Variants in RBFOX3 observed in about 807,000 individuals in gnomAD.
RBFOX3 encodes RNA binding fox-1 homolog 3.
RBFOX3 carries 17 observed loss-of-function variants against 48.7 expected under a neutral mutation model. The observed-to-expected ratio is 0.35, with a 90% CI of 0.24 to 0.52. The LOEUF (loss-of-function observed/expected upper bound fraction) is 0.52, where lower values mean the gene tolerates loss of function less well. Among genes scored for constraint, RBFOX3 ranks in the 20% least tolerant of loss-of-function variants. The probability of loss-of-function intolerance (pLI) is 0.94; values close to 1 mark genes in which losing one functional copy is unlikely to be tolerated. For missense variants in RBFOX3, 382 were observed against 497.5 expected (o/e 0.77, Z 2.21); for synonymous variants, 212 against 209.5 (o/e 1.01, Z -0.10).
At chr17:79,530,980 G>A (rs991865334) in intron 1 of RBFOX3, among the ~76,000 whole-genome samples, 7 of 152,366 alleles carry the variant, frequency 4.6e-5, no homozygotes, top group Middle Eastern at 3.4e-3. Flanking sequence ...GTGGATGGAC[G>A]TGGTGGAGTC....
At chr17:79,567,271 G>A (rs1242924942) in intron 1 of RBFOX3, among the ~76,000 whole-genome samples, 1 of 146,324 alleles carries the variant, frequency 6.8e-6, no homozygotes, top group East Asian at 2.0e-4. Flanking sequence ...GCAACCTCCA[G>A]CTCCCAGGTT....
intron 2 of RBFOX3, among the ~76,000 whole-genome samples, chr17:79,457,964 G>C (rs539060374): frequency 6.6e-6 from 1 of 152,238 alleles, no homozygotes; most frequent in Non-Finnish European, 1.5e-5. Flanking sequence ...GCATCCAGCA[G>C]TCAGGCCACA....
chr17:79,152,033 C>G (rs1003840772), intron 4 of RBFOX3, among the ~76,000 whole-genome samples: 4 of 151,840 alleles, frequency 2.6e-5, no homozygotes, highest in Admixed American at 6.6e-5. Context: ...AATGGGGAAG[C>G]AGGAGGGGTG....
intron 4 of RBFOX3, among the ~76,000 whole-genome samples, chr17:79,223,752 T>C (rs922106994): frequency 4.6e-5 from 7 of 152,160 alleles, no homozygotes; most frequent in Non-Finnish European, 8.8e-5. Context: ...CCTGGGCAGC[T>C]GTCCTGGGCC....
chr17:79,547,795 C>G (rs552486231), intron 1 of RBFOX3, among the ~76,000 whole-genome samples: 1 of 152,288 alleles, frequency 6.6e-6, no homozygotes, highest in East Asian at 1.9e-4. Context: ...CAGCCCCTCT[C>G]CCTGGACAAG....
In RBFOX3 at chr17:79,568,394, G is replaced by A. The variant is rs957316043; in HGVS notation, c.-320+42432C>T. On this transcript the variant is annotated intron_variant, in intron 1 of 14. Transcript: ENST00000693108. ...ATGATGCTCAAAGCAAATGCTCACTGGAGCATTTTGGTTCTTGGATTTTTA... is the reference window on the plus strand; with the variant it reads ...ATGATGCTCAAAGCAAATGCTCACTAGAGCATTTTGGTTCTTGGATTTTTA... Among the ~76,000 whole-genome samples, 3 of 152,208 alleles carry A rather than the reference G, an allele frequency of 2.0e-5. No individual in the cohort carries two copies. The East Asian group carries it at 5.8e-4, about 29-fold the overall frequency.
intron 4 of RBFOX3, among the ~76,000 whole-genome samples, chr17:79,133,138 C>T (rs1000263878): frequency 3.3e-5 from 5 of 152,144 alleles, no homozygotes; most frequent in Non-Finnish European, 5.9e-5. Context: ...TCATGGTGGC[C>T]TCCTGCCCCT....
intron 2 of RBFOX3, among the ~76,000 whole-genome samples, chr17:79,465,939 C>CCT (rs567898207): frequency 1.5e-3 from 231 of 152,348 alleles, no homozygotes; most frequent in Admixed American, 4.2e-3. Context: ...CACCCATTCC[C>CCT]CTCTCCCTGA....
Position 79,479,601 on chromosome 17 carries a change from C to T in RBFOX3, c.-175+2853G>A, listed in dbSNP as rs2078482669. Among the ~76,000 whole-genome samples, 1 of 152,246 alleles carries T rather than the reference C, an allele frequency of 6.6e-6. No individual in the cohort carries two copies. The highest frequency in any genetic ancestry group is 1.5e-5 in the Non-Finnish European group (1 of 68,044). On this transcript the variant is annotated intron_variant, in intron 2 of 14. Transcript: ENST00000693108. This position sits in a 1 kb window ranked among gnomAD's most constrained non-coding sequence, Gnocchi z 5.1. ...ACAGTGAACACACCGAGGGAAGCAG[C>T]TCAGGTCCAAAAGAGCTTGTGGGGT...
At chr17:79,369,210 C>T (rs72851335) in intron 2 of RBFOX3, among the ~76,000 whole-genome samples, 27,467 of 152,120 alleles carry the variant, frequency 0.18, 2,904 homozygotes, top group East Asian at 0.28. Context: ...TGCCCATCAG[C>T]CGGGGTTGAC....
In RBFOX3 at chr17:79,387,697, G is replaced by T. The variant is rs1299339938; in HGVS notation, c.-174-79873C>A. Among the ~76,000 whole-genome samples the T allele has an allele frequency of 2.6e-5, 4 of 152,200 alleles. 1 individual carries two copies. The highest frequency in any genetic ancestry group is 4.1e-4 in the South Asian group (2 of 4,830). On this transcript the variant is annotated intron_variant, in intron 2 of 14. Coordinates refer to ENST00000693108, the MANE Select transcript of RBFOX3 (RefSeq NM_001350451.2). The stretch of plus-strand genomic sequence containing the variant: ...GGGGCCCCCAGGCTGGGTGCAGTGG[G>T]GCCACTTCTTTCACTGGGAGCAGGA...
intron 2 of RBFOX3, among the ~76,000 whole-genome samples, chr17:79,412,300 ATG>A (rs2064512027): frequency 2.0e-5 from 3 of 150,400 alleles, no homozygotes; most frequent in Admixed American, 2.0e-4. Context: ...GTGTGTATGT[ATG>A]TGGGCATGTG....
chr17:79,649,480 T>C, the RBFOX3 span, among the ~76,000 whole-genome samples: 1 of 152,022 alleles, frequency 6.6e-6, no homozygotes, highest in Non-Finnish European at 1.5e-5. Context: ...CCGAGGCGAG[T>C]GGATCACCTG....
intron 2 of RBFOX3, among the ~76,000 whole-genome samples, chr17:79,342,746 T>C (rs1325918909): frequency 1.3e-5 from 2 of 152,090 alleles, no homozygotes; most frequent in African/African-American, 4.8e-5. Context: ...AAAATCCCAA[T>C]AAATTAAAAA....
At chr17:79,419,127 GCC>G (rs1763977796) in intron 2 of RBFOX3, among the ~76,000 whole-genome samples, 2 of 151,948 alleles carry the variant, frequency 1.3e-5, no homozygotes, top group African/African-American at 4.8e-5. Flanking sequence ...TTTTCCCCAC[GCC>G]CCCTCCTCAC....
At chr17:79,524,024 G>T (rs1354494330) in intron 1 of RBFOX3, among the ~76,000 whole-genome samples, 2 of 152,052 alleles carry the variant, frequency 1.3e-5, no homozygotes, top group Non-Finnish European at 2.9e-5. Context: ...TTCCCTTCTG[G>T]CAGTCAGTTT....
chr17:79,307,663 C>A (rs561666616), intron 3 of RBFOX3, 61 bp downstream of exon 3: 1 of 153,862 alleles, frequency 6.5e-6, no homozygotes, highest in Admixed American at 6.5e-5. Context: ...TGGGAGAAGC[C>A]CCCATCTGAG....
intron 2 of RBFOX3, among the ~76,000 whole-genome samples, chr17:79,372,936 C>T (rs952322997): frequency 1.1e-4 from 16 of 152,074 alleles, no homozygotes; most frequent in Non-Finnish European, 2.4e-4. Flanking sequence ...AGAAGGTGGG[C>T]GGGGACTGGC....
intron 4 of RBFOX3, among the ~76,000 whole-genome samples, chr17:79,140,473 C>G (rs1458727174): frequency 6.6e-6 from 1 of 152,258 alleles, no homozygotes; most frequent in African/African-American, 2.4e-5. Context: ...CAGCGTGTGC[C>G]AAGCACCTGC....
Sources: gnomAD v4.1 joint callset for allele counts (sites outside exome capture counted in the v4.1 genomes callset) on GRCh38, gnomAD v4.1.1 for gene constraint, Gnocchi (gnomAD v3.1) non-coding constraint, MANE v1.5 for transcripts, NCBI Gene and HGNC (gene_info 2026-07-23, HGNC 2026-07-21) for gene names.